KLF12: variants seen among roughly 807,000 people sequenced by gnomAD.
KLF12 encodes the protein KLF transcription factor 12, also known as Krueppel-like factor 12.
Under a neutral mutation model 37.8 loss-of-function variants are expected in KLF12, and 9 were observed. The observed-to-expected ratio is 0.24, with a 90% CI of 0.14 to 0.42. The LOEUF (loss-of-function observed/expected upper bound fraction) is 0.42, where lower values mean the gene tolerates loss of function less well. KLF12 is among the 10% of genes least tolerant of loss of function. KLF12 has a pLI of 1.00. For synonymous variants in KLF12, 208 were observed against 202.1 expected (o/e 1.03, Z -0.25); for missense variants, 411 against 516.0 (o/e 0.80, Z 1.97).
chr13:74,211,319 C>T, the KLF12 span, among the ~76,000 whole-genome samples: 2 of 152,082 alleles, frequency 1.3e-5, no homozygotes, highest in South Asian at 4.2e-4. Context: ...ACTTGTGCTT[C>T]GATACCAGAA....
rs1873985155 is a variant in KLF12 at position 73,694,283 on chromosome 13, C to T, written c.*1207G>A. The T allele has an allele frequency of 6.6e-6, 1 of 152,506 alleles. No homozygotes were observed. The highest frequency in any genetic ancestry group is 6.5e-5 in the Admixed American group (1 of 15,276). The allele number at this position is 152,506 out of a possible 1,614,324, so 9.4% of individuals were successfully genotyped here. A position where few individuals can be genotyped will look rare whatever the true frequency, so the allele number is the denominator to read the frequency against. On this transcript the variant is annotated 3_prime_UTR_variant, in exon 8 of 8. Coordinates refer to ENST00000377669, the MANE Select transcript of KLF12 (RefSeq NM_007249.5). ...TAGTCACCAAATAACTGTTTTCAAA[C>T]AAGAAAAGGGGAGCATAATCTTTAA...
chr13:73,812,224 T>C (rs965281717), intron 5 of KLF12, among the ~76,000 whole-genome samples: 3 of 152,060 alleles, frequency 2.0e-5, no homozygotes, highest in African/African-American at 7.2e-5. Context: ...TGCCAGAGGC[T>C]GGGGTGTCAG....
In KLF12 at chr13:73,722,230, A is replaced by C. The variant is rs142692045; in HGVS notation, c.870-6705T>G. Among the ~76,000 whole-genome samples, 14 of 152,320 alleles carry C rather than the reference A, an allele frequency of 9.2e-5. No individual in the cohort carries two copies. In the East Asian group the frequency reaches 2.7e-3, roughly 29 times the overall value. On this transcript the variant is annotated intron_variant, in intron 6 of 7. Transcript: ENST00000377669. ...AACACCACCCTGGGAATGAATCATCAAGACCACAAGCAGAGCAAGAGTGGA... is the reference window on the plus strand; with the variant it reads ...AACACCACCCTGGGAATGAATCATCCAGACCACAAGCAGAGCAAGAGTGGA...
intron 7 of KLF12, among the ~76,000 whole-genome samples, chr13:73,711,934 T>C (rs1297894811): frequency 1.3e-5 from 2 of 152,162 alleles, no homozygotes; most frequent in East Asian, 1.9e-4. Context: ...AAAATCAACA[T>C]GAACAGGAAT....
chr13:73,728,669 A>G (rs1876842980), intron 6 of KLF12, among the ~76,000 whole-genome samples: 1 of 152,210 alleles, frequency 6.6e-6, no homozygotes, highest in African/African-American at 2.4e-5. Flanking sequence ...TTCTGTGTCT[A>G]TCAAGATAAA....
intron 5 of KLF12, among the ~76,000 whole-genome samples, chr13:73,807,308 T>TAA (rs35042393): frequency 0.015 from 2,213 of 145,598 alleles, 30 homozygotes; most frequent in Admixed American, 0.024. Context: ...AAATTCCATC[T>TAA]AAAAAAAAAA....
intron 1 of KLF12, among the ~76,000 whole-genome samples, chr13:74,022,387 A>G (rs1191035270): frequency 6.6e-6 from 1 of 151,108 alleles, no homozygotes; most frequent in Non-Finnish European, 1.5e-5. Context: ...GTCTATACAC[A>G]CACATTAAGT....
chr13:73,907,547 TAAG>T (rs1202037285), intron 3 of KLF12, among the ~76,000 whole-genome samples: 1 of 152,132 alleles, frequency 6.6e-6, no homozygotes. Flanking sequence ...GATACTTAAT[TAAG>T]AAATTCAAAA....
At position 73,979,988 on chromosome 13, in the gene KLF12, C is replaced by T. The variant is rs140186837; in HGVS notation, c.33+15002G>A. Among the ~76,000 whole-genome samples the T allele has an allele frequency of 4.7e-4, 71 of 152,204 alleles. 1 individual carries two copies. The East Asian group carries it at 0.013, about 28-fold the overall frequency. ...CAGGGTGAAGACAGCCATTTCCAAG[C>T]CAGAGAGGGGGCCTCAGAAAAAAAT... is the stretch of plus-strand genomic sequence containing the variant. On this transcript the variant is annotated intron_variant, in intron 2 of 7. Transcript: ENST00000377669.
At chr13:74,000,954 G>C (rs1892265210) in intron 1 of KLF12, among the ~76,000 whole-genome samples, 1 of 152,182 alleles carries the variant, frequency 6.6e-6, no homozygotes, top group South Asian at 2.1e-4. Context: ...TCAAAAATCT[G>C]ATTTGTACTG....
At chr13:73,815,825 T>C (rs1190506998) in intron 4 of KLF12, among the ~76,000 whole-genome samples, 2 of 152,224 alleles carry the variant, frequency 1.3e-5, no homozygotes, top group Non-Finnish European at 2.9e-5. Flanking sequence ...CAGTTAACCA[T>C]GAGCAATCTG....
the KLF12 span, chr13:74,231,897 T>C: frequency 6.6e-6 from 1 of 152,198 alleles, no homozygotes; most frequent in Non-Finnish European, 1.5e-5. Context: ...TTTATTATCA[T>C]GTTAGGTTTG....
intron 5 of KLF12, among the ~76,000 whole-genome samples, chr13:73,807,105 C>T (rs548830073): frequency 9.9e-5 from 15 of 152,086 alleles, no homozygotes; most frequent in Admixed American, 6.5e-4. Context: ...GCCAGGAGTT[C>T]GAGACTAGCC....
chr13:73,805,757 A>G (rs1188560200), intron 5 of KLF12, among the ~76,000 whole-genome samples: 1 of 152,152 alleles, frequency 6.6e-6, no homozygotes, highest in African/African-American at 2.4e-5. Flanking sequence ...TGCGTATTGG[A>G]GTCCAAAGCT....
At chr13:73,745,537 C>A (rs889838594) in intron 6 of KLF12, among the ~76,000 whole-genome samples, 6 of 152,100 alleles carry the variant, frequency 3.9e-5, no homozygotes, top group African/African-American at 1.2e-4. Context: ...CAGATTGTGA[C>A]AAGGACTGAA....
At chr13:73,909,851 G>T (rs1347908820) in intron 3 of KLF12, among the ~76,000 whole-genome samples, 1 of 151,876 alleles carries the variant, frequency 6.6e-6, no homozygotes, top group Non-Finnish European at 1.5e-5. Context: ...AAATTCTTTG[G>T]TTTTTCTTGA....
chr13:73,897,014 G>T (rs1887803124), intron 3 of KLF12, among the ~76,000 whole-genome samples: 1 of 152,178 alleles, frequency 6.6e-6, no homozygotes, highest in Non-Finnish European at 1.5e-5. Context: ...AAAACTAATG[G>T]TGACTTTCAG....
At chr13:74,123,802 G>C (rs867394311) in intron 1 of KLF12, among the ~76,000 whole-genome samples, 1 of 152,212 alleles carries the variant, frequency 6.6e-6, no homozygotes, top group African/African-American at 2.4e-5. Flanking sequence ...AAGTCAGAAA[G>C]ACAGTAGTAA....
At chr13:74,170,398 G>T in the KLF12 span, among the ~76,000 whole-genome samples, 33 of 152,176 alleles carry the variant, frequency 2.2e-4, no homozygotes, top group African/African-American at 7.2e-4. Context: ...TGGGAATTGG[G>T]CATTATTATC....
Sources: gnomAD v4.1 joint callset for allele counts (sites outside exome capture counted in the v4.1 genomes callset) on GRCh38, gnomAD v4.1.1 for gene constraint, MANE v1.5 for transcripts, NCBI Gene and HGNC (gene_info 2026-07-23, HGNC 2026-07-21) for gene names.